Variants in FSCN2 observed in about 807,000 individuals in gnomAD.
The protein encoded by FSCN2 is fascin-2.
A neutral mutation model predicts 37.8 loss-of-function variants in FSCN2; 46 were observed. The ratio of observed to expected loss-of-function variants is 1.22; its 90% CI spans 0.96 to 1.56. The LOEUF (loss-of-function observed/expected upper bound fraction) is 1.56, where lower values mean the gene tolerates loss of function less well. Ranked by LOEUF, FSCN2 falls within the 40% of genes most tolerant of loss-of-function variation. The pLI, the probability that FSCN2 is intolerant of heterozygous loss-of-function variation, is 0.00. For synonymous variants in FSCN2, 351 were observed against 309.4 expected, an observed-to-expected ratio of 1.13 and a Z score of -1.41; for missense variants, 844 against 730.4, an observed-to-expected ratio of 1.16 and a Z score of -1.79.
chr17:81,521,124 A>G, the FSCN2 span, among the ~76,000 whole-genome samples: 1 of 151,772 alleles, frequency 6.6e-6, no homozygotes, highest in Non-Finnish European at 1.5e-5. Flanking sequence ...CTGGAGTGCA[A>G]TGGTGCGATC....
At chr17:81,515,610 C>G in the FSCN2 span, among the ~76,000 whole-genome samples, 1 of 152,226 alleles carries the variant, frequency 6.6e-6, no homozygotes, top group Non-Finnish European at 1.5e-5. Context: ...AGGGCCTGCG[C>G]CCTCCACGGC....
rs782248338 is a variant in FSCN2 at position 81,528,548 on chromosome 17, TG to T, written c.18del (p.His7ThrfsTer4). ...AGCCTGAAGATGCCGACGAACGGCC[TG>T]CACCAGGTGCTGAAGATCCAGTTTG... The part of the protein sequence containing the change: MPTNG[L>X]HQVLKIQFGL... On this transcript the variant is annotated frameshift_variant, in exon 1 of 5. Transcript: ENST00000417245. LOFTEE classifies it high-confidence loss of function. 1 of 1,600,782 alleles carries T rather than the reference TG, an allele frequency of 6.2e-7. No homozygotes were observed. Among genetic ancestry groups the T allele is most frequent in the South Asian group, 1.1e-5 (1 of 89,160 alleles).
At chr17:81,526,398 C>T (rs140389291), upstream of FSCN2, among the ~76,000 whole-genome samples, 241 of 152,316 alleles carry the variant, frequency 1.6e-3, no homozygotes, top group Middle Eastern at 0.02. Context: ...TCAGAGGCCG[C>T]GGCGGGCAGA....
chr17:81,528,294 C>T (rs917533972), upstream of FSCN2: 43 of 556,088 alleles, frequency 7.7e-5, no homozygotes, highest in Middle Eastern at 4.7e-4. Flanking sequence ...GCTCCTAAGC[C>T]GCACGTCTCT....
intron 1 of FSCN2, among the ~76,000 whole-genome samples, chr17:81,532,403 A>AGTGATGATG (rs2032708635): frequency 1.9e-5 from 1 of 52,036 alleles, no homozygotes; most frequent in South Asian, 7.5e-4. Context: ...TGGTGATGAT[A>AGTGATGATG]GTGATGGTGA....
rs1555670532 is a variant in FSCN2 at position 81,528,638 on chromosome 17, C to T, written c.107C>T (p.Ser36Leu). The change falls in exon 1 of 5, where the codon TCG becomes TTG. Residue 36 changes from serine to leucine, a missense_variant. Coordinates refer to ENST00000417245, the MANE Select transcript of FSCN2 (RefSeq NM_012418.4). ...AGCTTCGGCTTCAAGGTCAATGCCT[C>T]GGCACCCAGCCTCAAGAGGAAGCAG... ...AESFGFKVNA[S>L]APSLKRKQTW... 4 of 1,603,868 alleles carry T rather than the reference C, an allele frequency of 2.5e-6. No homozygotes were observed. Among genetic ancestry groups the T allele is most frequent in the East Asian group, 2.3e-5 (1 of 44,378 alleles).
chr17:81,530,722 A>C (rs1555671143), intron 1 of FSCN2: 2 of 432,218 alleles, frequency 4.6e-6, no homozygotes, highest in Admixed American at 2.9e-5. Context: ...CAGAGGCCCC[A>C]CCCTGTGCAT....
chr17:81,529,761 G>A (rs2032488882), intron 1 of FSCN2: 2 of 439,678 alleles, frequency 4.5e-6, no homozygotes, highest in Admixed American at 3.0e-5. Flanking sequence ...GAGGCTGTGG[G>A]GGGTCCATAT....
At chr17:81,518,322 C>G in the FSCN2 span, among the ~76,000 whole-genome samples, 1 of 140,306 alleles carries the variant, frequency 7.1e-6, no homozygotes, top group Non-Finnish European at 1.6e-5. Context: ...GGCACAGCAT[C>G]CTTGTCCTCC....
In FSCN2 at chr17:81,531,684, G is replaced by A. The variant is rs1349916732; in HGVS notation, c.826+2327G>A. ...GGTGATGATGATGGTGATGATGATG[G>A]TGATGATGGTGATGGTGATGATGAT... On this transcript the variant is annotated intron_variant, in intron 1 of 4. Transcript: ENST00000417245. Among the ~76,000 whole-genome samples the A allele has an allele frequency of 1.1e-3, 137 of 124,494 alleles. 2 individuals carry two copies. Among genetic ancestry groups the A allele is most frequent in the African/African-American group, 4.6e-3 (130 of 28,196 alleles). The allele number at this position is 124,494 out of a possible 152,430, so 81.7% of individuals were successfully genotyped here.
chr17:81,525,161 C>T (rs1381284229), upstream of FSCN2, among the ~76,000 whole-genome samples: 3 of 151,970 alleles, frequency 2.0e-5, no homozygotes, highest in Non-Finnish European at 4.4e-5. Flanking sequence ...CACGGTGGCT[C>T]ACGCCTGTAA....
At chr17:81,518,351 C>CTGTACCTGGCATAGCCCT in the FSCN2 span, among the ~76,000 whole-genome samples, 1 of 98,770 alleles carries the variant, frequency 1.0e-5, no homozygotes, top group Non-Finnish European at 2.2e-5. Context: ...GCTGGTGCCC[C>CTGTACCTGGCATAGCCCT]TGTACCTGGC....
At chr17:81,528,373 G>T (rs1306956152), upstream of FSCN2, 1 of 609,510 alleles carries the variant, frequency 1.6e-6, no homozygotes, top group Non-Finnish European at 2.9e-6. Context: ...TGCTGCCGCG[G>T]GTCAGAGGCG....
In FSCN2 at chr17:81,536,386, T is replaced by C; in HGVS notation, c.1105+119T>C. Reference sequence around the variant, plus strand: ...CCTCCCCAGCCCACGGAACGGGTGCTGTCATGGAGTCATACTTGCTAGTCA... The same window carrying C: ...CCTCCCCAGCCCACGGAACGGGTGCCGTCATGGAGTCATACTTGCTAGTCA... On this transcript the variant is annotated intron_variant, in intron 3 of 4. Coordinates refer to ENST00000417245, the MANE Select transcript of FSCN2 (RefSeq NM_012418.4). 5 of 1,444,514 alleles carry C rather than the reference T, an allele frequency of 3.5e-6. No individual in the cohort carries two copies. The South Asian group carries it at 3.9e-5, about 11-fold the overall frequency. 89.5% of individuals were successfully genotyped at this position (1,444,514 alleles called of 1,614,324 possible). A position where few individuals can be genotyped will look rare whatever the true frequency, so the allele number is the denominator to read the frequency against.
chr17:81,536,044 A>G lies in FSCN2; in HGVS notation c.984-102A>G. The G allele has an allele frequency of 2.1e-6, 3 of 1,421,298 alleles. No individual in the cohort carries two copies. In the South Asian group the frequency reaches 3.9e-5, roughly 18 times the overall value. 88.0% of individuals were successfully genotyped at this position (1,421,298 alleles called of 1,614,324 possible). ...GGTGGTGGGTGTGTCAGTGGAGGGC[A>G]GGCTTCTGTCCCACTCCTTGGAACC... On this transcript the variant is annotated intron_variant, in intron 2 of 4. Coordinates refer to ENST00000417245, the MANE Select transcript of FSCN2 (RefSeq NM_012418.4).
intron 1 of FSCN2, among the ~76,000 whole-genome samples, chr17:81,531,357 ATGGTGATGATGG>A (rs2032570893): frequency 2.1e-5 from 2 of 94,132 alleles, no homozygotes; most frequent in Admixed American, 1.9e-4. Context: ...GATGATGGTG[ATGGTGATGATGG>A]TGGTGGTGAT....
rs1428088505 is a variant in FSCN2, at chr17:81,535,045, C to T, written c.827-7C>T. The T allele has an allele frequency of 1.3e-6, 2 of 1,519,166 alleles. No individual in the cohort carries two copies. 94.1% of individuals were successfully genotyped at this position (1,519,166 alleles called of 1,614,324 possible). A position where few individuals can be genotyped will look rare whatever the true frequency, so the allele number is the denominator to read the frequency against. Reference sequence around the variant, plus strand: ...GCGTGAGGGGCTTCCCCATCTCCTCCCTCCAGGGGTCAACGTCTCAGCCAA... The same window carrying T: ...GCGTGAGGGGCTTCCCCATCTCCTCTCTCCAGGGGTCAACGTCTCAGCCAA... On this transcript the variant is annotated splice_region_variant and splice_polypyrimidine_tract_variant and intron_variant, in intron 1 of 4. Coordinates refer to ENST00000417245, the MANE Select transcript of FSCN2 (RefSeq NM_012418.4).
At chr17:81,526,284 G>C (rs2032347357), upstream of FSCN2, among the ~76,000 whole-genome samples, 1 of 152,228 alleles carries the variant, frequency 6.6e-6, no homozygotes, top group South Asian at 2.1e-4. Flanking sequence ...CATGGGCACA[G>C]CTGCCCCTCC....
In FSCN2 at chr17:81,531,844, TGATGGTGATGGTGGTGATGGC is replaced by T. The variant is rs2032643722; in HGVS notation, c.826+2492_826+2512del. ...GTGATGGTGGTGGTGGTGATGGTGG[TGATGGTGATGGTGGTGATGGC>T]GATGATGGTGATGATGGTGATGGCG... is the stretch of plus-strand genomic sequence containing the variant. On this transcript the variant is annotated intron_variant, in intron 1 of 4. Coordinates refer to ENST00000417245, the MANE Select transcript of FSCN2 (RefSeq NM_012418.4). Among the ~76,000 whole-genome samples the T allele has an allele frequency of 1.6e-5, 2 of 127,306 alleles. 1 individual carries two copies. Among genetic ancestry groups the T allele is most frequent in the African/African-American group, 8.8e-5 (2 of 22,662 alleles). 83.5% of individuals were successfully genotyped at this position (127,306 alleles called of 152,430 possible).
Sources: allele counts gnomAD v4.1 joint callset (sites outside exome capture counted in the v4.1 genomes callset), GRCh38; gene constraint gnomAD v4.1.1; transcripts MANE v1.5; gene names NCBI Gene and HGNC (gene_info 2026-07-23, HGNC 2026-07-21).